Variants in MYO1D observed in about 807,000 individuals in gnomAD.
MYO1D encodes unconventional myosin-Id.
A neutral mutation model predicts 122.0 loss-of-function variants in MYO1D; 83 were observed. That is an observed-to-expected ratio of 0.68 (90% CI 0.57 to 0.82). The LOEUF (loss-of-function observed/expected upper bound fraction) is 0.82. Among genes scored for constraint, MYO1D ranks in the 40% least tolerant of loss-of-function variants. The probability of loss-of-function intolerance (pLI) is 0.00; values close to 1 mark genes in which losing one functional copy is unlikely to be tolerated. For missense variants in MYO1D, 1,157 were observed against 1,269.5 expected, an observed-to-expected ratio of 0.91 and a Z score of 1.35; for synonymous variants, 464 against 446.9, an observed-to-expected ratio of 1.04 and a Z score of -0.48.
intron 16 of MYO1D, among the ~76,000 whole-genome samples, chr17:32,703,207 ATC>A (rs754472849): frequency 2.6e-4 from 39 of 152,246 alleles, no homozygotes; most frequent in Middle Eastern, 3.4e-3. Flanking sequence ...AGCAATTAAG[ATC>A]TCTGTCTATA....
At chr17:32,723,348 T>C (rs1040849565) in intron 14 of MYO1D, among the ~76,000 whole-genome samples, 4 of 152,202 alleles carry the variant, frequency 2.6e-5, no homozygotes, top group Non-Finnish European at 5.9e-5. Context: ...ATGCTAACTC[T>C]GGGTAGTTAG....
At chr17:32,526,993 T>C (rs1461928884) in intron 21 of MYO1D, among the ~76,000 whole-genome samples, 1 of 152,220 alleles carries the variant, frequency 6.6e-6, no homozygotes, top group Non-Finnish European at 1.5e-5. Flanking sequence ...GTCCCAACCT[T>C]CTGCCTAAGC....
intron 14 of MYO1D, among the ~76,000 whole-genome samples, chr17:32,736,246 T>C (rs1598051803): frequency 1.3e-5 from 2 of 152,336 alleles, no homozygotes; most frequent in East Asian, 3.9e-4. Flanking sequence ...CCCTACTTTA[T>C]GTCCAGTATC....
At position 32,515,677 on chromosome 17, in the gene MYO1D, G is replaced by C. The variant is rs1386696902; in HGVS notation, c.2865-20762C>G. 2.6e-5 allele frequency among the ~76,000 whole-genome samples: 4 copies of C among 152,168 alleles called. No individual in the cohort carries two copies. The East Asian group carries it at 7.7e-4, about 29-fold the overall frequency. On this transcript the variant is annotated intron_variant, in intron 21 of 21. Coordinates refer to ENST00000318217, the MANE Select transcript of MYO1D (RefSeq NM_015194.3). ...CTTTTTGGATATTTTCCATCACACTGTCACTGAACCTTGCTCCCATCCAGG... is the reference window on the plus strand; with the variant it reads ...CTTTTTGGATATTTTCCATCACACTCTCACTGAACCTTGCTCCCATCCAGG...
At chr17:32,864,350 T>C (rs995329630) in intron 1 of MYO1D, among the ~76,000 whole-genome samples, 7 of 151,966 alleles carry the variant, frequency 4.6e-5, no homozygotes, top group Non-Finnish European at 1.0e-4. Flanking sequence ...TGTAAAGGCA[T>C]GTCCCTTAGA....
At chr17:32,554,642 A>G (rs1423938356) in intron 21 of MYO1D, among the ~76,000 whole-genome samples, 1 of 152,202 alleles carries the variant, frequency 6.6e-6, no homozygotes, top group African/African-American at 2.4e-5. Context: ...ATGCAGAAAG[A>G]CAGACTGGGA....
intron 1 of MYO1D, among the ~76,000 whole-genome samples, chr17:32,845,771 C>T (rs1009350349): frequency 6.6e-6 from 1 of 152,176 alleles, no homozygotes; most frequent in Non-Finnish European, 1.5e-5. Context: ...TTGGATAGTA[C>T]GGTACAGAAT....
At chr17:32,673,005 GA>G (rs1208877921) in intron 16 of MYO1D, among the ~76,000 whole-genome samples, 1 of 126,420 alleles carries the variant, frequency 7.9e-6, no homozygotes, top group Non-Finnish European at 1.7e-5. Flanking sequence ...ATACTTTAAA[GA>G]AAAAAAAGTC....
intron 16 of MYO1D, among the ~76,000 whole-genome samples, chr17:32,668,194 T>C (rs1300890586): frequency 6.6e-6 from 1 of 152,234 alleles, no homozygotes; most frequent in East Asian, 1.9e-4. Flanking sequence ...TGCATTTTGA[T>C]GTAGAACTAC....
intron 14 of MYO1D, chr17:32,734,742 G>C (rs952243321): frequency 1.3e-5 from 2 of 151,862 alleles, no homozygotes; most frequent in African/African-American, 4.8e-5. Flanking sequence ...TTGCTTTGAA[G>C]ATGAAAACTG....
At chr17:32,645,516 T>G (rs1005387830) in intron 19 of MYO1D, among the ~76,000 whole-genome samples, 4 of 152,186 alleles carry the variant, frequency 2.6e-5, no homozygotes, top group African/African-American at 9.6e-5. Flanking sequence ...TTGGTTACAC[T>G]CTCCCTGTCA....
intron 1 of MYO1D, among the ~76,000 whole-genome samples, chr17:32,820,869 A>G (rs2090655072): frequency 1.3e-5 from 2 of 152,116 alleles, no homozygotes; most frequent in Non-Finnish European, 2.9e-5. Context: ...CATTCTTCCT[A>G]CTTTTTCTTT....
At chr17:32,690,324 C>T (rs529618658) in intron 16 of MYO1D, among the ~76,000 whole-genome samples, 4 of 151,948 alleles carry the variant, frequency 2.6e-5, no homozygotes, top group East Asian at 1.9e-4. Flanking sequence ...TACAGGCACA[C>T]GCCACCACAC....
chr17:32,521,019 A>G (rs189975885), intron 21 of MYO1D, among the ~76,000 whole-genome samples: 2 of 152,340 alleles, frequency 1.3e-5, no homozygotes, highest in Admixed American at 1.3e-4. Flanking sequence ...CAAAATCTAG[A>G]GATAACACAC....
intron 16 of MYO1D, among the ~76,000 whole-genome samples, chr17:32,665,969 C>A (rs1413628208): frequency 6.6e-6 from 1 of 152,156 alleles, no homozygotes; most frequent in Non-Finnish European, 1.5e-5. Flanking sequence ...ATTTAATATC[C>A]TTGGTCTCAA....
intron 11 of MYO1D, among the ~76,000 whole-genome samples, chr17:32,754,002 G>A (rs965518278): frequency 6.6e-6 from 1 of 151,922 alleles, no homozygotes; most frequent in Non-Finnish European, 1.5e-5. Flanking sequence ...AAAATGAGGT[G>A]GATTTGATTT....
chr17:32,847,642 G>A (rs1479364583), intron 1 of MYO1D, among the ~76,000 whole-genome samples: 1 of 152,114 alleles, frequency 6.6e-6, no homozygotes, highest in Non-Finnish European at 1.5e-5. Context: ...AGCCTCCCAA[G>A]TAGTTGGGAT....
At chr17:32,569,667 A>G (rs1035223046) in intron 21 of MYO1D, among the ~76,000 whole-genome samples, 1 of 152,208 alleles carries the variant, frequency 6.6e-6, no homozygotes, top group Non-Finnish European at 1.5e-5. Flanking sequence ...TGGAGAGATG[A>G]GCAATGATTG....
chr17:32,618,388 A>G (rs1482715602), intron 20 of MYO1D, among the ~76,000 whole-genome samples: 1 of 152,172 alleles, frequency 6.6e-6, no homozygotes, highest in African/African-American at 2.4e-5. Context: ...CTCTTCAGTA[A>G]GTTTCCAACA....
Sources: allele counts gnomAD v4.1 joint callset (sites outside exome capture counted in the v4.1 genomes callset), GRCh38; gene constraint gnomAD v4.1.1; transcripts MANE v1.5; gene names NCBI Gene and HGNC (gene_info 2026-07-23, HGNC 2026-07-21).